SLC22A15: variants seen among roughly 807,000 people sequenced by gnomAD.
SLC22A15 encodes the protein solute carrier family 22 member 15.
SLC22A15 carries 45 observed loss-of-function variants against 62.7 expected under a neutral mutation model. That is an observed-to-expected ratio of 0.72 (90% CI 0.56 to 0.92). SLC22A15 has a LOEUF of 0.92. SLC22A15 is among the 40% of genes least tolerant of loss of function. The pLI is 0.00. For synonymous variants in SLC22A15, 264 were observed against 267.0 expected, an observed-to-expected ratio of 0.99 and a Z score of 0.11; for missense variants, 622 against 665.6, an observed-to-expected ratio of 0.93 and a Z score of 0.72.
chr1:115,983,693 A>T (rs761196886), intron 1 of SLC22A15, among the ~76,000 whole-genome samples: 7 of 152,174 alleles, frequency 4.6e-5, no homozygotes, highest in Non-Finnish European at 1.0e-4. Context: ...ACCTTGATGA[A>T]GTGGCTGCCT....
chr1:116,058,172 A>T (rs1658273643), intron 8 of SLC22A15, among the ~76,000 whole-genome samples: 1 of 152,132 alleles, frequency 6.6e-6, no homozygotes, highest in South Asian at 2.1e-4. Context: ...TCAGCAGAGT[A>T]AACAGACAAC....
chr1:115,978,702 CCT>C (rs1654446674), intron 1 of SLC22A15, among the ~76,000 whole-genome samples: 1 of 152,176 alleles, frequency 6.6e-6, no homozygotes, highest in Non-Finnish European at 1.5e-5. Context: ...TCCCCAAAGA[CCT>C]CTCTACCAAG....
At chr1:115,984,683 A>G (rs1025983471) in intron 1 of SLC22A15, among the ~76,000 whole-genome samples, 1 of 152,142 alleles carries the variant, frequency 6.6e-6, no homozygotes, top group African/African-American at 2.4e-5. Flanking sequence ...AGAAGAAGGC[A>G]TGGTGTGATA....
chr1:115,996,859 G>A (rs61788473), intron 2 of SLC22A15, among the ~76,000 whole-genome samples: 2 of 151,542 alleles, frequency 1.3e-5, no homozygotes, highest in African/African-American at 2.4e-5. Context: ...CTAAGTTGTC[G>A]CTTATTAATT....
At chr1:115,998,361 T>G (rs559086738) in intron 2 of SLC22A15, among the ~76,000 whole-genome samples, 1 of 152,272 alleles carries the variant, frequency 6.6e-6, no homozygotes, top group East Asian at 1.9e-4. Context: ...TGAGTAGGAT[T>G]GGTATTAGTT....
intron 3 of SLC22A15, 120 bp from the exon 4 acceptor site, chr1:116,020,601 A>C: frequency 1.1e-6 from 1 of 911,832 alleles, no homozygotes; most frequent in Non-Finnish European, 1.5e-6. Flanking sequence ...AAACCCACAA[A>C]AACAGCTCAG....
In SLC22A15 at chr1:115,976,707, T is replaced by A; in HGVS notation, c.80T>A (p.Leu27Gln). Residue 27 changes from leucine to glutamine, a missense_variant, in exon 1 of 12, where the codon CTG becomes CAG. By Grantham distance (113) the Leu-to-Gln change is moderately radical (BLOSUM62 -2). Transcript: ENST00000369503. ...QMYLCFLLAV[L>Q]LQLYVATEAI... ...TACTTGTGCTTCCTGCTGGCCGTGC[T>A]GCTGCAGGTAAGTCCCCGCGGCCCC... 1 of 1,582,812 alleles carries A rather than the reference T, an allele frequency of 6.3e-7. No individual in the cohort carries two copies. The highest frequency in any genetic ancestry group is 8.6e-7 in the Non-Finnish European group (1 of 1,166,168).
At chr1:116,053,215 T>C (rs1031334331) in intron 8 of SLC22A15, among the ~76,000 whole-genome samples, 2 of 152,138 alleles carry the variant, frequency 1.3e-5, no homozygotes, top group Non-Finnish European at 2.9e-5. Flanking sequence ...TTAAAGGAGC[T>C]GATGGAGCTG....
intron 1 of SLC22A15, among the ~76,000 whole-genome samples, chr1:115,990,129 C>CACA (rs1413763420): frequency 1.3e-5 from 2 of 152,164 alleles, no homozygotes; most frequent in African/African-American, 2.4e-5. Context: ...GGCTTGGAGA[C>CACA]ACAAGCAAGA....
chr1:115,996,183 A>G (rs572980195), intron 2 of SLC22A15, among the ~76,000 whole-genome samples: 31 of 152,362 alleles, frequency 2.0e-4, no homozygotes, highest in Non-Finnish European at 3.5e-4. Context: ...TTTATTCAGC[A>G]TAATTATCTG....
At chr1:116,000,500 A>G (rs1270404983) in intron 2 of SLC22A15, among the ~76,000 whole-genome samples, 1 of 151,854 alleles carries the variant, frequency 6.6e-6, no homozygotes. Context: ...TTCGTCTCTT[A>G]GTCTTCCTAT....
At chr1:116,022,026 G>T (rs1382405776) in intron 4 of SLC22A15, among the ~76,000 whole-genome samples, 1 of 152,172 alleles carries the variant, frequency 6.6e-6, no homozygotes, top group East Asian at 1.9e-4. Context: ...AAGACACAAG[G>T]CTAAATAAAG....
At chr1:116,059,151 C>T (rs1258561007) in intron 8 of SLC22A15, among the ~76,000 whole-genome samples, 1 of 152,084 alleles carries the variant, frequency 6.6e-6, no homozygotes, top group Non-Finnish European at 1.5e-5. Context: ...TGCCACAGGA[C>T]ACTGATTAAA....
chr1:115,993,798 T>C (rs1655276224), intron 2 of SLC22A15, among the ~76,000 whole-genome samples: 1 of 152,144 alleles, frequency 6.6e-6, no homozygotes, highest in Admixed American at 6.5e-5. Flanking sequence ...ACTTCGTAGC[T>C]TGGTCCAGGT....
intron 2 of SLC22A15, among the ~76,000 whole-genome samples, chr1:115,996,508 G>A (rs1031742609): frequency 3.3e-5 from 5 of 150,942 alleles, no homozygotes; most frequent in Admixed American, 3.3e-4. Context: ...TCTTTACTAT[G>A]CAAACCCTGA....
chr1:116,051,917 G>A (rs1354460679), intron 8 of SLC22A15, among the ~76,000 whole-genome samples: 1 of 152,214 alleles, frequency 6.6e-6, no homozygotes, highest in Non-Finnish European at 1.5e-5. Flanking sequence ...AGACTAAGAA[G>A]GAGGAGCCAA....
Position 116,019,580 on chromosome 1 carries a change from A to G in SLC22A15, c.301-2A>G, listed in dbSNP as rs1401909737. On this transcript the variant is annotated splice_acceptor_variant, in intron 2 of 11. Coordinates refer to ENST00000369503, the MANE Select transcript of SLC22A15 (RefSeq NM_018420.3). LOFTEE classifies it high-confidence loss of function. The stretch of plus-strand genomic sequence containing the variant: ...TCTCTCTTTTGTTTTATCTTCCTCT[A>G]GTGGTTTTTAATTGCCAACAGATCC... 5.0e-6 allele frequency: 8 copies of G among 1,596,964 alleles called. No individual in the cohort carries two copies. Among genetic ancestry groups the G allele is most frequent in the Non-Finnish European group, 6.8e-6 (8 of 1,175,274 alleles).
At chr1:115,982,783 T>C (rs1447105385) in intron 1 of SLC22A15, among the ~76,000 whole-genome samples, 4 of 152,216 alleles carry the variant, frequency 2.6e-5, no homozygotes, top group African/African-American at 9.7e-5. Flanking sequence ...CTGGTGTAAA[T>C]TTTCTAAACA....
At chr1:116,007,585 A>T (rs558421230) in intron 2 of SLC22A15, among the ~76,000 whole-genome samples, 1 of 152,314 alleles carries the variant, frequency 6.6e-6, no homozygotes, top group South Asian at 2.1e-4. Flanking sequence ...AAGGTCTGGT[A>T]GGTATAGGAG....
Sources: gnomAD v4.1 joint callset for allele counts (sites outside exome capture counted in the v4.1 genomes callset) on GRCh38, gnomAD v4.1.1 for gene constraint, MANE v1.5 for transcripts, NCBI Gene and HGNC (gene_info 2026-07-23, HGNC 2026-07-21) for gene names.